MAP2: variants seen among roughly 807,000 people sequenced by gnomAD.
MAP2 encodes the protein microtubule-associated protein 2.
A neutral mutation model predicts 137.6 loss-of-function variants in MAP2; 14 were observed. The observed-to-expected ratio is 0.10, with a 90% CI of 0.07 to 0.16. The LOEUF is 0.16. Ranked by LOEUF, MAP2 falls within the 10% of genes least tolerant of loss-of-function variation. The pLI is 1.00. For missense variants in MAP2, 2,088 were observed against 2,191.5 expected, an observed-to-expected ratio of 0.95 and a Z score of 0.94; for synonymous variants, 786 against 782.3, an observed-to-expected ratio of 1.00 and a Z score of -0.08.
At position 209,692,997 on chromosome 2, in the gene MAP2, A is replaced by G. The variant is rs370541070; in HGVS notation, c.827A>G (p.Asp276Gly). The change falls in exon 8 of 16, where the codon GAT becomes GGT. Residue 276 changes from aspartate (D) to glycine (G), a missense_variant. Asp to Gly is a moderately conservative substitution (Grantham distance 94, BLOSUM62 -1). Coordinates refer to ENST00000682079, the MANE Select transcript of MAP2 (RefSeq NM_001375505.1). ...FIEMPTEAKK[D>G]EWGLVAPISP... ...GAAATGCCAACGGAAGCAAAAAAGG[A>G]TGAGTGGGGTTTAGTTGCCCCCATA... is the stretch of plus-strand genomic sequence containing the variant. 1.9e-6 allele frequency: 3 copies of G among 1,613,600 alleles called. No homozygotes were observed. The East Asian group carries it at 6.7e-5, about 36-fold the overall frequency.
Position 209,611,372 on chromosome 2 carries a change from T to C in MAP2, c.-106-13681T>C, listed in dbSNP as rs187344115. ...TCAACACATGTTTGGAAAGGTAACA[T>C]AGTAAATAACAACATTCTTTCTCTG... is the stretch of plus-strand genomic sequence containing the variant. On this transcript the variant is annotated intron_variant, in intron 3 of 15. Transcript: ENST00000682079. Among the ~76,000 whole-genome samples the C allele has an allele frequency of 2.0e-4, 30 of 152,186 alleles. No individual in the cohort carries two copies. The East Asian group carries it at 5.6e-3, about 28-fold the overall frequency.
chr2:209,652,947 A>G (rs1025487734), intron 4 of MAP2, among the ~76,000 whole-genome samples, 195 bp from the exon 5 acceptor site: 4 of 152,222 alleles, frequency 2.6e-5, no homozygotes, highest in Non-Finnish European at 5.9e-5. Flanking sequence ...AAAAGAACTA[A>G]TATTCCAGAA....
chr2:209,593,848 ATAT>A (rs1559372803), intron 3 of MAP2, among the ~76,000 whole-genome samples: 9 of 115,122 alleles, frequency 7.8e-5, no homozygotes, highest in Non-Finnish European at 1.2e-4. Context: ...ATTATAATAT[ATAT>A]TATAAAATAT....
intron 2 of MAP2, among the ~76,000 whole-genome samples, chr2:209,559,585 A>T (rs1033061618): frequency 2.0e-5 from 3 of 150,658 alleles, no homozygotes; most frequent in Non-Finnish European, 4.4e-5. Context: ...CGGGAGGCAG[A>T]GGTTGTAGTG....
intron 5 of MAP2, among the ~76,000 whole-genome samples, chr2:209,676,724 TATATATATATATA>T (rs2051773638): frequency 4.2e-4 from 1 of 2,406 alleles, no homozygotes; most frequent in South Asian, 0.021. Context: ...AAAGGTCATA[TATATATATATATA>T]TATATATATA....
chr2:209,669,801 ACACACAAAATT>A (rs1187124290), intron 5 of MAP2, among the ~76,000 whole-genome samples: 4 of 151,988 alleles, frequency 2.6e-5, no homozygotes, highest in African/African-American at 7.2e-5. Context: ...GCACACACAC[ACACACAAAATT>A]GCTTTTCCAC....
Position 209,710,162 on chromosome 2 carries a change from C to T in MAP2, c.4981C>T (p.Arg1661Trp), listed in dbSNP as rs911365377. The change falls in exon 13 of 16, where the codon CGG (arginine) becomes TGG (tryptophan). Residue 1661 changes from arginine to tryptophan, a missense_variant. Around this residue, in one of 6 missense-constraint regions of MAP2, gnomAD observed 591 missense variants for 642.6 expected, o/e 0.92. Coordinates refer to ENST00000682079, the MANE Select transcript of MAP2 (RefSeq NM_001375505.1). ...ATCTCCTGCGACTCCCAAGCAGCTT[C>T]GGCTTATTAACCAACCACTGCCAGA... is the stretch of plus-strand genomic sequence containing the variant. Reference protein sequence around the residue: ...PKSPATPKQLRLINQPLPDLK... With the variant: ...PKSPATPKQLWLINQPLPDLK... 1.5e-5 allele frequency: 24 copies of T among 1,613,876 alleles called. No homozygotes were observed. The highest frequency in any genetic ancestry group is 1.9e-5 in the Non-Finnish European group (23 of 1,179,916).
At chr2:209,654,368 T>C (rs1259132837) in intron 5 of MAP2, among the ~76,000 whole-genome samples, 1 of 152,202 alleles carries the variant, frequency 6.6e-6, no homozygotes, top group Non-Finnish European at 1.5e-5. Context: ...AGTGATAGTG[T>C]CCAACCTGAT....
In MAP2 at chr2:209,563,713, C is replaced by T. The variant is rs531515918; in HGVS notation, c.-171-16323C>T. ...TTGTGGGCGCTGGCTGTGCTGTTCC[C>T]AAATTCCTCATAGAGGTTTTGGTCT... On this transcript the variant is annotated intron_variant, in intron 2 of 15. Coordinates refer to ENST00000682079, the MANE Select transcript of MAP2 (RefSeq NM_001375505.1). Among the ~76,000 whole-genome samples, 3 of 152,328 alleles carry T rather than the reference C, an allele frequency of 2.0e-5. No individual in the cohort carries two copies. In the South Asian group the frequency reaches 6.2e-4, roughly 32 times the overall value.
At chr2:209,452,948 T>G (rs1404594861) in intron 1 of MAP2, among the ~76,000 whole-genome samples, 1 of 152,200 alleles carries the variant, frequency 6.6e-6, no homozygotes, top group East Asian at 1.9e-4. Flanking sequence ...CATTTTTTTC[T>G]TCTTCATTGT....
At chr2:209,451,673 C>T (rs185534765) in intron 1 of MAP2, among the ~76,000 whole-genome samples, 36 of 152,346 alleles carry the variant, frequency 2.4e-4, no homozygotes, top group Admixed American at 2.2e-3. Context: ...GACACATACA[C>T]ATACTAAACA....
chr2:209,555,205 G>A (rs529530426), intron 2 of MAP2, among the ~76,000 whole-genome samples: 1 of 152,120 alleles, frequency 6.6e-6, no homozygotes, highest in Non-Finnish European at 1.5e-5. Context: ...TGTTTTGTAT[G>A]TTTGCTTCTA....
intron 1 of MAP2, among the ~76,000 whole-genome samples, chr2:209,492,115 C>T (rs1262175156): frequency 6.6e-6 from 1 of 152,136 alleles, no homozygotes; most frequent in African/African-American, 2.4e-5. Context: ...TGGCTTCATC[C>T]TTTGGATGCA....
chr2:209,657,887 T>G (rs1201265036), intron 5 of MAP2, among the ~76,000 whole-genome samples: 1 of 152,250 alleles, frequency 6.6e-6, no homozygotes, highest in Non-Finnish European at 1.5e-5. Context: ...TCTAGGATTT[T>G]TATAGCTTGA....
chr2:209,667,992 T>C (rs967428255), intron 5 of MAP2, among the ~76,000 whole-genome samples: 4 of 152,012 alleles, frequency 2.6e-5, no homozygotes, highest in Admixed American at 1.3e-4. Context: ...TATATCAGGC[T>C]ACCTACCTAG....
chr2:209,663,165 CTCTT>C (rs1224097272), intron 5 of MAP2, among the ~76,000 whole-genome samples: 1 of 152,134 alleles, frequency 6.6e-6, no homozygotes, highest in African/African-American at 2.4e-5. Context: ...GATAAACTGA[CTCTT>C]TCTACTTCAG....
At chr2:209,656,620 A>AT (rs1374817813) in intron 5 of MAP2, among the ~76,000 whole-genome samples, 1 of 152,036 alleles carries the variant, frequency 6.6e-6, no homozygotes, top group African/African-American at 2.4e-5. Context: ...ATTCCTTAAG[A>AT]TTTTTTCTTA....
At chr2:209,512,690 G>A (rs143080938) in intron 2 of MAP2, among the ~76,000 whole-genome samples, 3,154 of 151,998 alleles carry the variant, frequency 0.021, 37 homozygotes, top group Non-Finnish European at 0.033. Context: ...TGCCCGGACT[G>A]GAATGGAGTG....
intron 3 of MAP2, among the ~76,000 whole-genome samples, chr2:209,602,058 C>T (rs1193992214): frequency 1.3e-5 from 2 of 152,180 alleles, no homozygotes; most frequent in African/African-American, 4.8e-5. Context: ...CTGACTCAAG[C>T]AAATACTGTT....
Sources: allele counts gnomAD v4.1 joint callset (sites outside exome capture counted in the v4.1 genomes callset), GRCh38; gene constraint gnomAD v4.1.1; regional missense constraint gnomAD v4.1.1; transcripts MANE v1.5; gene names NCBI Gene and HGNC (gene_info 2026-07-23, HGNC 2026-07-21).